GPR139: variants seen among roughly 807,000 people sequenced by gnomAD.
The protein encoded by GPR139 is probable G protein-coupled receptor 139.
Under a neutral mutation model 25.8 loss-of-function variants are expected in GPR139, and 12 were observed. That is an observed-to-expected ratio of 0.47 (90% confidence interval 0.30 to 0.75). The LOEUF is 0.75. GPR139 is among the 30% of genes least tolerant of loss of function. The probability of loss-of-function intolerance (pLI) is 0.07; values close to 1 mark genes in which losing one functional copy is unlikely to be tolerated. For synonymous variants in GPR139, 184 were observed against 179.9 expected (o/e 1.02, Z -0.18); for missense variants, 380 against 450.2 (o/e 0.84, Z 1.41).
intron 1 of GPR139, among the ~76,000 whole-genome samples, chr16:20,043,494 TG>T (rs1372642602): frequency 3.3e-5 from 5 of 152,214 alleles, no homozygotes. Context: ...TTAGTTTTAA[TG>T]GTATTAGAGG....
At chr16:20,050,354 T>G (rs543920765) in intron 1 of GPR139, among the ~76,000 whole-genome samples, 2 of 152,144 alleles carry the variant, frequency 1.3e-5, no homozygotes, top group East Asian at 3.9e-4. Context: ...CAGCATAGAA[T>G]AGAGGTCACA....
chr16:20,073,696 G>T lies in GPR139; in HGVS notation c.-80C>A. 1 of 1,464,510 alleles carries T rather than the reference G, an allele frequency of 6.8e-7. No homozygotes were observed. The allele number at this position is 1,464,510 out of a possible 1,614,324, so 90.7% of individuals were successfully genotyped here. On this transcript the variant is annotated 5_prime_UTR_variant, in exon 1 of 2. Coordinates refer to ENST00000570682, the MANE Select transcript of GPR139 (RefSeq NM_001002911.4). The surrounding 1 kb of genome is among the most constrained non-coding windows in gnomAD (Gnocchi z 4.7). ...TGGTCGCCGGCTCGGTGGTGGCGGC[G>T]GCGGAGGCAGCGGCAGCTGGAGCAG... is the stretch of plus-strand genomic sequence containing the variant.
At chr16:20,059,797 G>A (rs1376793799) in intron 1 of GPR139, among the ~76,000 whole-genome samples, 1 of 152,128 alleles carries the variant, frequency 6.6e-6, no homozygotes. Flanking sequence ...ACTGAGGCTC[G>A]AAGAAGGGGA....
chr16:20,055,848 T>G (rs2057386886), intron 1 of GPR139, among the ~76,000 whole-genome samples: 1 of 152,266 alleles, frequency 6.6e-6, no homozygotes. Context: ...AGCTTGGCTT[T>G]GAGCCATTTA....
At chr16:20,065,905 G>A (rs1203352195) in intron 1 of GPR139, among the ~76,000 whole-genome samples, 1 of 150,938 alleles carries the variant, frequency 6.6e-6, no homozygotes, top group African/African-American at 2.4e-5. Flanking sequence ...AGTTAAATAA[G>A]TTAATGCGTT....
intron 1 of GPR139, among the ~76,000 whole-genome samples, chr16:20,068,920 T>C (rs1239198143): frequency 6.6e-6 from 1 of 152,048 alleles, no homozygotes; most frequent in East Asian, 1.9e-4. Context: ...TGATGAGTTA[T>C]ACTGAGTGAT....
In GPR139 at chr16:20,030,969, T is replaced by C. The variant is rs1182727790; in HGVS notation, c.*766A>G. 6.6e-6 allele frequency among the ~76,000 whole-genome samples: 1 copy of C among 152,042 alleles called. No individual in the cohort carries two copies. Among genetic ancestry groups the C allele is most frequent in the Non-Finnish European group, 1.5e-5 (1 of 68,018 alleles). On this transcript the variant is annotated 3_prime_UTR_variant, in exon 2 of 2. Coordinates refer to ENST00000570682, the MANE Select transcript of GPR139 (RefSeq NM_001002911.4). ...TGGCAAGTGTGGGCTTATTTTTTTG[T>C]TTTTCTGGGCTCGAGAATTCCTCCT... is the stretch of plus-strand genomic sequence containing the variant.
intron 1 of GPR139, among the ~76,000 whole-genome samples, chr16:20,050,485 T>A (rs1375085014): frequency 6.6e-6 from 1 of 152,196 alleles, no homozygotes; most frequent in East Asian, 1.9e-4. Context: ...TATCCAGTCC[T>A]GGATTTGAGC....
At chr16:20,047,339 G>A (rs2057357774) in intron 1 of GPR139, among the ~76,000 whole-genome samples, 1 of 152,132 alleles carries the variant, frequency 6.6e-6, no homozygotes, top group Non-Finnish European at 1.5e-5. Context: ...TCGAACTCCT[G>A]ACCTGGGAGG....
intron 1 of GPR139, among the ~76,000 whole-genome samples, chr16:20,053,305 A>G (rs1055205364): frequency 2.0e-5 from 3 of 152,178 alleles, no homozygotes; most frequent in African/African-American, 7.2e-5. Flanking sequence ...TGACATGGGC[A>G]TCATTGTTGG....
intron 1 of GPR139, among the ~76,000 whole-genome samples, chr16:20,044,032 A>G (rs1480918363): frequency 6.6e-6 from 1 of 152,176 alleles, no homozygotes; most frequent in Admixed American, 6.5e-5. Context: ...GGGAGTAAAA[A>G]TGGTACCTGG....
intron 1 of GPR139, among the ~76,000 whole-genome samples, chr16:20,042,388 T>G (rs1347824197): frequency 6.6e-6 from 1 of 152,122 alleles, no homozygotes; most frequent in Admixed American, 6.5e-5. Context: ...CCAGCAAAGA[T>G]TCTAGCTTCT....
intron 1 of GPR139, among the ~76,000 whole-genome samples, chr16:20,038,840 A>G (rs2141202777): frequency 6.6e-6 from 1 of 152,320 alleles, no homozygotes; most frequent in Non-Finnish European, 1.5e-5. Flanking sequence ...TCATTTCCAC[A>G]GTGGCACATT....
chr16:20,066,191 C>T (rs745775438), intron 1 of GPR139, among the ~76,000 whole-genome samples: 2 of 152,246 alleles, frequency 1.3e-5, no homozygotes, highest in Non-Finnish European at 2.9e-5. Flanking sequence ...TGGCCACTAT[C>T]ATTTCATGGT....
intron 1 of GPR139, among the ~76,000 whole-genome samples, chr16:20,038,884 CTGTG>C (rs1220860004): frequency 6.6e-6 from 1 of 151,850 alleles, no homozygotes; most frequent in Admixed American, 6.6e-5. Flanking sequence ...TTGACAGGGT[CTGTG>C]TGTATTTATA....
chr16:20,041,139 AG>A (rs2057329597), intron 1 of GPR139, among the ~76,000 whole-genome samples: 1 of 358 alleles, frequency 2.8e-3, no homozygotes, highest in Non-Finnish European at 0.011. Flanking sequence ...AGGAGAGGAG[AG>A]GAGAGGAGAC....
In GPR139 at chr16:20,031,895, T is replaced by G. The variant is rs533506374; in HGVS notation, c.902A>C (p.Lys301Thr). Residue 301 changes from lysine to threonine, a missense_variant, in exon 2 of 2, where the codon AAG (lysine) becomes ACG (threonine). Lys to Thr is a moderately conservative substitution (Grantham distance 78). Transcript: ENST00000570682. ...TTGCTTCTGGCACTTGAAGAAAGCC[T>G]TGAGCGTGGCGGCTGCCATGGTGCG... ...RFRTMAAATLKAFFKCQKQPV... is the reference protein window; with the variant it reads ...RFRTMAAATLTAFFKCQKQPV... 1.1e-5 allele frequency: 17 copies of G among 1,614,236 alleles called. No homozygotes were observed. The Admixed American group carries it at 2.8e-4, about 27-fold the overall frequency.
chr16:20,065,766 G>A (rs376567392), intron 1 of GPR139, among the ~76,000 whole-genome samples: 3 of 151,900 alleles, frequency 2.0e-5, no homozygotes, highest in African/African-American at 4.8e-5. Flanking sequence ...CCAGCTGCCC[G>A]GGAGGCTGAG....
At chr16:20,044,992 CT>C (rs1428903236) in intron 1 of GPR139, among the ~76,000 whole-genome samples, 10 of 125,126 alleles carry the variant, frequency 8.0e-5, no homozygotes, top group Non-Finnish European at 1.6e-4. Flanking sequence ...TTCACTTGCA[CT>C]ATTTTTTTTT....
Sources: allele counts gnomAD v4.1 joint callset (sites outside exome capture counted in the v4.1 genomes callset), GRCh38; gene constraint gnomAD v4.1.1; non-coding constraint Gnocchi (gnomAD v3.1); transcripts MANE v1.5; gene names NCBI Gene and HGNC (gene_info 2026-07-23, HGNC 2026-07-21).